The following RBM28 variants were observed in gnomAD, a reference collection of about 807,000 sequenced individuals.
RBM28 encodes the protein RNA binding motif protein 28, also known as RNA-binding protein 28.
In RBM28, 78 loss-of-function variants were observed where a neutral mutation model predicts 98.3. That is an observed-to-expected ratio of 0.79 (90% CI 0.66 to 0.96). The LOEUF (loss-of-function observed/expected upper bound fraction) is 0.96. Ranked by LOEUF, RBM28 falls within the 40% of genes least tolerant of loss-of-function variation. The probability of loss-of-function intolerance (pLI) is 0.00; values close to 1 mark genes in which losing one functional copy is unlikely to be tolerated. For missense variants in RBM28, 838 were observed against 913.0 expected, an observed-to-expected ratio of 0.92 and a Z score of 1.06; for synonymous variants, 306 against 330.9, an observed-to-expected ratio of 0.92 and a Z score of 0.82.
chr7:128,329,618 G>A (rs1033618756), intron 10 of RBM28, among the ~76,000 whole-genome samples: 19 of 152,062 alleles, frequency 1.2e-4, no homozygotes, highest in South Asian at 8.3e-4. Context: ...ACTTAACGCC[G>A]GGCGCGCCTG....
chr7:128,337,099 G>A (rs569333164), intron 6 of RBM28, 32 bp downstream of exon 6: 15 of 1,600,836 alleles, frequency 9.4e-6, no homozygotes, highest in African/African-American at 2.7e-5. Flanking sequence ...GTTATACAAC[G>A]CCCCTACTCA....
At chr7:128,334,679 T>C (rs908109305) in intron 8 of RBM28, among the ~76,000 whole-genome samples, 2 of 152,222 alleles carry the variant, frequency 1.3e-5, no homozygotes, top group Non-Finnish European at 2.9e-5. Context: ...CAATAAGGAT[T>C]GGCTAAAGTT....
chr7:128,337,847 C>T (rs1287340830), intron 5 of RBM28, among the ~76,000 whole-genome samples: 1 of 152,140 alleles, frequency 6.6e-6, no homozygotes, highest in East Asian at 1.9e-4. Context: ...AGGTGTGAGC[C>T]ACCGCACCTG....
At chr7:128,315,936 AGAC>A (rs1473441981) in intron 16 of RBM28, among the ~76,000 whole-genome samples, 1 of 152,246 alleles carries the variant, frequency 6.6e-6, no homozygotes, top group African/African-American at 2.4e-5. Context: ...AATGAAGTAA[AGAC>A]GACAAGAAAA....
At chr7:128,341,457 C>T (rs552320320) in intron 1 of RBM28, among the ~76,000 whole-genome samples, 7 of 152,346 alleles carry the variant, frequency 4.6e-5, no homozygotes, top group Non-Finnish European at 8.8e-5. Context: ...TTTAGAGTCC[C>T]TGACAACCCT....
In RBM28 at chr7:128,305,145, A is replaced by AATGAAACTCT. The variant is rs1795840137; in HGVS notation, c.*5642_*5651dup. 1 of 148,792 alleles carries AATGAAACTCT rather than the reference A, an allele frequency of 6.7e-6. No homozygotes were observed. Among genetic ancestry groups the AATGAAACTCT allele is most frequent in the Non-Finnish European group, 1.5e-5 (1 of 67,338 alleles). 9.2% of individuals were successfully genotyped at this position (148,792 alleles called of 1,614,324 possible). A position where few individuals can be genotyped will look rare whatever the true frequency, so the allele number is the denominator to read the frequency against. On this transcript the variant is annotated 3_prime_UTR_variant, in exon 19 of 19. Transcript: ENST00000223073. ...CTGCACTCCAGCCCTGGGCAACAAG[A>AATGAAACTCT]ATGAAACTCTGTCTCAAAAAAAAAA...
rs73228315 is a variant in RBM28 at position 128,300,210 on chromosome 7, C to T, written c.*10587G>A. The stretch of plus-strand genomic sequence containing the variant: ...TTTGTGATTGGTTTTCACAAAGAAG[C>T]TCAAAGTGGAGGAATGATCTCTGGA... On this transcript the variant is annotated 3_prime_UTR_variant, in exon 19 of 19. Transcript: ENST00000223073. 6,813 of 152,314 alleles carry T rather than the reference C, an allele frequency of 0.045. 220 individuals carry two copies. Among genetic ancestry groups the T allele is most frequent in the Non-Finnish European group, 0.068 (4,653 of 68,034 alleles). 9.4% of individuals were successfully genotyped at this position (152,314 alleles called of 1,614,324 possible). A position where few individuals can be genotyped will look rare whatever the true frequency, so the allele number is the denominator to read the frequency against.
intron 18 of RBM28, 49 bp downstream of exon 18, chr7:128,313,126 A>G (rs906810761): frequency 1.3e-6 from 2 of 1,551,226 alleles, no homozygotes; most frequent in African/African-American, 2.7e-5. Context: ...CATGGCTACG[A>G]CCTGGCAGAA....
At chr7:128,328,744 T>G (rs1403653634) in intron 10 of RBM28, among the ~76,000 whole-genome samples, 1 of 152,148 alleles carries the variant, frequency 6.6e-6, no homozygotes, top group Non-Finnish European at 1.5e-5. Flanking sequence ...TAAAAACATT[T>G]TAGAAATGGA....
chr7:128,301,892 C>G lies in RBM28; in HGVS notation c.*8905G>C, dbSNP rs1050809309. 6.6e-6 allele frequency: 1 copy of G among 152,220 alleles called. No individual in the cohort carries two copies. Among genetic ancestry groups the G allele is most frequent in the Non-Finnish European group, 1.5e-5 (1 of 68,050 alleles). 9.4% of individuals were successfully genotyped at this position (152,220 alleles called of 1,614,324 possible). On this transcript the variant is annotated 3_prime_UTR_variant, in exon 19 of 19. Coordinates refer to ENST00000223073, the MANE Select transcript of RBM28 (RefSeq NM_018077.3). ...CTCCGACGAGGGGTCCTGAGGCACTCTATCGAAGTGCAAGTCCCTGAATCT... is the reference window on the plus strand; with the variant it reads ...CTCCGACGAGGGGTCCTGAGGCACTGTATCGAAGTGCAAGTCCCTGAATCT...
At chr7:128,342,538 C>G (rs1335599516) in intron 1 of RBM28, among the ~76,000 whole-genome samples, 1 of 152,174 alleles carries the variant, frequency 6.6e-6, no homozygotes, top group East Asian at 1.9e-4. Context: ...AAAAATTAGC[C>G]AGGTGTAGTG....
intron 1 of RBM28, 56 bp downstream of exon 1, chr7:128,343,620 A>G: frequency 1.5e-6 from 2 of 1,317,708 alleles, no homozygotes; most frequent in South Asian, 1.3e-5. Flanking sequence ...GAAGTTTGGG[A>G]AGGTGCCCTC....
Position 128,305,161 on chromosome 7 carries a change from A to G in RBM28, c.*5636T>C, listed in dbSNP as rs1264506307. The G allele has an allele frequency of 2.2e-5, 1 of 46,230 alleles. No individual in the cohort carries two copies. The highest frequency in any genetic ancestry group is 5.5e-5 in the African/African-American group (1 of 18,136). The allele number at this position is 46,230 out of a possible 1,614,324, so 2.9% of individuals were successfully genotyped here. On this transcript the variant is annotated 3_prime_UTR_variant, in exon 19 of 19. Transcript: ENST00000223073. The stretch of plus-strand genomic sequence containing the variant: ...GGCAACAAGAATGAAACTCTGTCTC[A>G]AAAAAAAAAAAAAAAAAAGAAAGTT...
chr7:128,320,457 C>T (rs1796207717), intron 14 of RBM28, among the ~76,000 whole-genome samples: 1 of 150,708 alleles, frequency 6.6e-6, no homozygotes, highest in Non-Finnish European at 1.5e-5. Flanking sequence ...GAGAAATACG[C>T]AAAGGGGAAT....
At chr7:128,338,612 G>T in intron 4 of RBM28, 114 bp downstream of exon 4, 1 of 837,418 alleles carries the variant, frequency 1.2e-6, no homozygotes, top group African/African-American at 1.7e-5. Flanking sequence ...CCATTATTTG[G>T]GTTTTCATTA....
At position 128,323,610 on chromosome 7, in the gene RBM28, A is replaced by G; in HGVS notation, c.1340-19T>C. On this transcript the variant is annotated intron_variant, in intron 12 of 18. Transcript: ENST00000223073. Reference sequence around the variant, plus strand: ...CGAATCACTGCAGAAAGAGGGAAAAAGGCCAAGACATCAACAAGGGAATTT... The same window carrying G: ...CGAATCACTGCAGAAAGAGGGAAAAGGGCCAAGACATCAACAAGGGAATTT... 1.9e-6 allele frequency: 3 copies of G among 1,614,080 alleles called. No homozygotes were observed.
chr7:128,331,527 T>C (rs748404508), intron 9 of RBM28, among the ~76,000 whole-genome samples: 5 of 152,190 alleles, frequency 3.3e-5, no homozygotes, highest in African/African-American at 4.8e-5. Context: ...CACAGCAGAC[T>C]AGTGAGAAAA....
chr7:128,321,445 T>G (rs761402509), intron 13 of RBM28, 21 bp from the exon 14 acceptor site: 17 of 1,613,704 alleles, frequency 1.1e-5, no homozygotes, highest in Non-Finnish European at 1.3e-5. Flanking sequence ...AACCAATGGT[T>G]AACAGTACAA....
chr7:128,327,292 TCA>T lies in RBM28; in HGVS notation c.1130-1403_1130-1402del, dbSNP rs1796374649. Among the ~76,000 whole-genome samples the T allele has an allele frequency of 4.6e-5, 7 of 152,166 alleles. 1 individual carries two copies. Among genetic ancestry groups the T allele is most frequent in the Admixed American group, 4.6e-4 (7 of 15,276 alleles). ...CTGAACTTAATTACAGATCTCACTG[TCA>T]CACAGTCACTTGGGAGGCATCAGAT... On this transcript the variant is annotated intron_variant, in intron 10 of 18. Transcript: ENST00000223073.
Sources: gnomAD v4.1 joint callset for allele counts (sites outside exome capture counted in the v4.1 genomes callset) on GRCh38, gnomAD v4.1.1 for gene constraint, MANE v1.5 for transcripts, NCBI Gene and HGNC (gene_info 2026-07-23, HGNC 2026-07-21) for gene names.